Variants in PIP4K2B observed in about 807,000 individuals in gnomAD.
The protein encoded by PIP4K2B is phosphatidylinositol 5-phosphate 4-kinase type-2 beta.
Under a neutral mutation model 42.0 loss-of-function variants are expected in PIP4K2B, and 3 were observed. The ratio of observed to expected loss-of-function variants is 0.07; its 90% confidence interval spans 0.03 to 0.18. The LOEUF (loss-of-function observed/expected upper bound fraction) is 0.18. PIP4K2B is among the 10% of genes least tolerant of loss of function. PIP4K2B has a pLI of 1.00. For missense variants in PIP4K2B, 332 were observed against 562.3 expected (o/e 0.59, Z 4.14); for synonymous variants, 204 against 210.1 (o/e 0.97, Z 0.25).
intron 1 of PIP4K2B, among the ~76,000 whole-genome samples, chr17:38,798,689 G>C: frequency 6.6e-6 from 1 of 152,122 alleles, no homozygotes; most frequent in Non-Finnish European, 1.5e-5. Context: ...TCTGGTTCAA[G>C]GAAGCCTGTG....
chr17:38,791,002 A>C (rs1177951515), intron 1 of PIP4K2B, among the ~76,000 whole-genome samples: 1 of 152,146 alleles, frequency 6.6e-6, no homozygotes, highest in Non-Finnish European at 1.5e-5. Flanking sequence ...GTGTGGGAGG[A>C]GGAGAACACA....
At chr17:38,774,630 C>T (rs1424445127) in intron 7 of PIP4K2B, among the ~76,000 whole-genome samples, 1 of 151,772 alleles carries the variant, frequency 6.6e-6, no homozygotes, top group Non-Finnish European at 1.5e-5. Flanking sequence ...ACTAGCTGGG[C>T]ATGGTGGTGG....
In PIP4K2B at chr17:38,770,496, G is replaced by A; in HGVS notation, c.1110C>T (p.Ile370=). Residue 370 remains isoleucine (I), a synonymous_variant, in exon 9 of 10, where the codon ATC becomes ATT. Coordinates refer to ENST00000619039, the MANE Select transcript of PIP4K2B (RefSeq NM_003559.5). ...KEVYFMAIID[I]LTPYDTKKKA... ...TCTTCTTTGTATCGTATGGCGTGAG[G>A]ATATCAATGATGGCCATGAAATACA... The A allele has an allele frequency of 3.7e-6, 6 of 1,611,938 alleles. No individual in the cohort carries two copies. The highest frequency in any genetic ancestry group is 5.1e-6 in the Non-Finnish European group (6 of 1,178,224).
intron 1 of PIP4K2B, among the ~76,000 whole-genome samples, chr17:38,791,996 T>C (rs1910368325): frequency 6.6e-6 from 1 of 151,384 alleles, no homozygotes; most frequent in South Asian, 2.1e-4. Context: ...CTCGGGAGGC[T>C]GAGGCAGGAG....
intron 2 of PIP4K2B, 36 bp downstream of exon 2, chr17:38,786,787 C>A: frequency 1.5e-6 from 2 of 1,338,298 alleles, no homozygotes; most frequent in Non-Finnish European, 2.2e-6. Flanking sequence ...GAAAGGACTG[C>A]CCACAAAACC....
At chr17:38,785,843 A>G (rs796542280) in intron 2 of PIP4K2B, among the ~76,000 whole-genome samples, 8 of 152,292 alleles carry the variant, frequency 5.3e-5, no homozygotes, top group African/African-American at 1.7e-4. Context: ...TAGTGGTGCA[A>G]TGCCCACTTC....
Position 38,780,564 on chromosome 17 carries a change from T to C in PIP4K2B, c.395A>G (p.Gln132Arg). The change falls in exon 4 of 10, where the codon CAG (glutamine) becomes CGG (arginine). Residue 132 changes from glutamine to arginine, a missense_variant. By Grantham distance (43) the Gln-to-Arg change is conservative (BLOSUM62 1). Coordinates refer to ENST00000619039, the MANE Select transcript of PIP4K2B (RefSeq NM_003559.5). ...GAGGAAACGCGTGCCACACCGACCC[T>C]GGCTGTCACTGTTGATGGGGGCGCT... ...TRSAPINSDS[Q>R]GRCGTRFLTT... 6.2e-7 allele frequency: 1 copy of C among 1,613,530 alleles called. No individual in the cohort carries two copies. Among genetic ancestry groups the C allele is most frequent in the Non-Finnish European group, 8.5e-7 (1 of 1,179,450 alleles).
intron 7 of PIP4K2B, among the ~76,000 whole-genome samples, chr17:38,774,818 G>T (rs1245448933): frequency 6.6e-6 from 1 of 152,060 alleles, no homozygotes; most frequent in South Asian, 2.1e-4. Flanking sequence ...GGTATAAAGA[G>T]ATTTACAAAA....
chr17:38,795,682 C>T (rs1032419884), intron 1 of PIP4K2B, among the ~76,000 whole-genome samples: 1 of 149,620 alleles, frequency 6.7e-6, no homozygotes, highest in Admixed American at 6.7e-5. Context: ...ACCAAGGAGG[C>T]GGAGGTTACA....
At chr17:38,791,968 C>T (rs1910366825) in intron 1 of PIP4K2B, among the ~76,000 whole-genome samples, 1 of 151,750 alleles carries the variant, frequency 6.6e-6, no homozygotes, top group African/African-American at 2.4e-5. Context: ...TGATGGCGGG[C>T]ACCTGTAGTC....
At chr17:38,775,035 CG>C (rs1360845447) in intron 7 of PIP4K2B, among the ~76,000 whole-genome samples, 1 of 151,632 alleles carries the variant, frequency 6.6e-6, no homozygotes, top group African/African-American at 2.4e-5. Flanking sequence ...CTGCAAGCTC[CG>C]TCTCCCGGGT....
intron 1 of PIP4K2B, among the ~76,000 whole-genome samples, chr17:38,796,173 C>T (rs1053714570): frequency 9.2e-5 from 14 of 152,166 alleles, no homozygotes; most frequent in African/African-American, 2.9e-4. Context: ...CAATGAGATA[C>T]GAATTCACAC....
intron 1 of PIP4K2B, among the ~76,000 whole-genome samples, chr17:38,796,824 T>C (rs1910682640): frequency 6.6e-6 from 1 of 152,232 alleles, no homozygotes; most frequent in South Asian, 2.1e-4. Flanking sequence ...AGGTGGTATC[T>C]GAAATCTCAG....
rs1201467005 is a variant in PIP4K2B, at chr17:38,766,086, G to A, written c.*3605C>T. On this transcript the variant is annotated 3_prime_UTR_variant, in exon 10 of 10. Coordinates refer to ENST00000619039, the MANE Select transcript of PIP4K2B (RefSeq NM_003559.5). ...CTGCCCTGGGATACTGGCACAAGCT[G>A]CCAAGGGACAGCTGAGTCTCCTTTT... The A allele has an allele frequency of 6.6e-6, 1 of 152,560 alleles. No individual in the cohort carries two copies. Among genetic ancestry groups the A allele is most frequent in the Non-Finnish European group, 1.5e-5 (1 of 68,058 alleles). The allele number at this position is 152,560 out of a possible 1,614,324, so 9.5% of individuals were successfully genotyped here. A position where few individuals can be genotyped will look rare whatever the true frequency, so the allele number is the denominator to read the frequency against.
intron 8 of PIP4K2B, 86 bp from the exon 9 acceptor site, chr17:38,770,625 A>T: frequency 1.3e-6 from 1 of 784,928 alleles, no homozygotes; most frequent in Admixed American, 1.8e-5. Flanking sequence ...ACCCCCAGAC[A>T]CAAGGCTCAG....
At chr17:38,780,226 CCA>C (rs1909620088) in intron 4 of PIP4K2B, among the ~76,000 whole-genome samples, 3 of 152,228 alleles carry the variant, frequency 2.0e-5, no homozygotes, top group African/African-American at 7.2e-5. Flanking sequence ...TGAACACTTT[CCA>C]ACTGGGAGTC....
intron 1 of PIP4K2B, among the ~76,000 whole-genome samples, chr17:38,788,287 G>A (rs972810351): frequency 8.6e-5 from 13 of 151,850 alleles, no homozygotes; most frequent in Admixed American, 2.6e-4. Flanking sequence ...TGCAAGCTCC[G>A]CCTCCTGGGT....
chr17:38,796,228 T>C (rs572362834), intron 1 of PIP4K2B, among the ~76,000 whole-genome samples: 1 of 152,304 alleles, frequency 6.6e-6, no homozygotes, highest in South Asian at 2.1e-4. Flanking sequence ...ATAACAAGTG[T>C]TGACAAGGAT....
At chr17:38,796,776 CATGCCTAA>C (rs952865725) in intron 1 of PIP4K2B, among the ~76,000 whole-genome samples, 1 of 152,204 alleles carries the variant, frequency 6.6e-6, no homozygotes, top group Admixed American at 6.5e-5. Flanking sequence ...CACAGACCAG[CATGCCTAA>C]ATGCCTAAAC....
Sources: gnomAD v4.1 joint callset for allele counts (sites outside exome capture counted in the v4.1 genomes callset) on GRCh38, gnomAD v4.1.1 for gene constraint, MANE v1.5 for transcripts, NCBI Gene and HGNC (gene_info 2026-07-23, HGNC 2026-07-21) for gene names.